The following CYREN variants were observed in gnomAD, a reference collection of about 807,000 sequenced individuals.
CYREN encodes cell cycle regulator of non-homologous end joining.
In CYREN, 7 loss-of-function variants were observed where a neutral mutation model predicts 9.7. The ratio of observed to expected loss-of-function variants is 0.72; its 90% confidence interval spans 0.41 to 1.36. CYREN has a LOEUF of 1.36. Ranked by LOEUF, CYREN falls within the 40% of genes most tolerant of loss-of-function variation. The pLI is 0.01. For missense variants in CYREN, 215 were observed against 198.1 expected (o/e 1.09, Z -0.51); for synonymous variants, 76 against 77.9 (o/e 0.98, Z 0.13).
At chr7:135,128,810 CTG>C (rs1197025934) in intron 2 of CYREN, 1 of 1,174,940 alleles carries the variant, frequency 8.5e-7, no homozygotes, top group Non-Finnish European at 1.3e-6. Flanking sequence ...CAAGAGGAAA[CTG>C]TGGATGAGAC....
At chr7:135,135,179 A>G in intron 2 of CYREN, 1 of 1,549,862 alleles carries the variant, frequency 6.5e-7, no homozygotes, top group Non-Finnish European at 8.7e-7. Flanking sequence ...ACAGCCCTCC[A>G]TCTAACTAAA....
At chr7:135,167,936 TGAG>T (rs1830304656) in intron 2 of CYREN, 129 bp from the exon 3 acceptor site, 1 of 1,465,952 alleles carries the variant, frequency 6.8e-7, no homozygotes, top group Non-Finnish European at 9.1e-7. Flanking sequence ...ACCTCTGAGC[TGAG>T]GAGCTTTCTG....
At chr7:135,150,248 A>G (rs982656748) in intron 2 of CYREN, among the ~76,000 whole-genome samples, 18 of 152,216 alleles carry the variant, frequency 1.2e-4, no homozygotes, top group Non-Finnish European at 2.6e-4. Flanking sequence ...TCAGGACTCA[A>G]AACAAATATC....
rs733585 is a variant in CYREN, at chr7:135,157,646, A to G, written n.356+11103T>C. Among the ~76,000 whole-genome samples, 141 of 152,340 alleles carry G rather than the reference A, an allele frequency of 9.3e-4. 1 individual carries two copies. The highest frequency in any genetic ancestry group is 3.1e-3 in the African/African-American group (128 of 41,574). ...CAGGTGGTGTCATGTGAGTGATGGC[A>G]GTAGCACTGTTGAAGCAGCCAACTG... On this transcript the variant is annotated intron_variant and non_coding_transcript_variant, in intron 2 of 2. Coordinates refer to the CYREN transcript ENST00000459937.
At chr7:135,148,328 C>T (rs1428817943) in intron 2 of CYREN, 3 of 333,870 alleles carry the variant, frequency 9.0e-6, no homozygotes, top group African/African-American at 6.5e-5. Flanking sequence ...CCTTGTAAGA[C>T]AATTTTGTTT....
At chr7:135,121,426 T>C (rs565402840) in intron 2 of CYREN, among the ~76,000 whole-genome samples, 31 of 152,182 alleles carry the variant, frequency 2.0e-4, no homozygotes, top group African/African-American at 7.2e-4. Context: ...GTGGATCATA[T>C]ACCAAGATAG....
intron 2 of CYREN, among the ~76,000 whole-genome samples, chr7:135,120,803 A>T (rs533285791): frequency 6.6e-6 from 1 of 152,234 alleles, no homozygotes; most frequent in African/African-American, 2.4e-5. Context: ...TGTTAATATT[A>T]GGTAAAGTAG....
At chr7:135,148,209 CA>C (rs1224099552) in intron 2 of CYREN, 1 of 426,348 alleles carries the variant, frequency 2.3e-6, no homozygotes, top group Non-Finnish European at 4.6e-6. Flanking sequence ...TTCAAACAAC[CA>C]ACCCTGATTT....
At chr7:135,121,724 A>G (rs1372813493) in intron 2 of CYREN, among the ~76,000 whole-genome samples, 1 of 152,198 alleles carries the variant, frequency 6.6e-6, no homozygotes, top group East Asian at 1.9e-4. Context: ...TTCTCTCATC[A>G]GAACTGACTA....
chr7:135,097,072 G>A (rs1338132032), intron 2 of CYREN, among the ~76,000 whole-genome samples: 1 of 152,124 alleles, frequency 6.6e-6, no homozygotes, highest in Non-Finnish European at 1.5e-5. Flanking sequence ...GAATTTGCTT[G>A]GGCATACCAC....
chr7:135,111,074 C>CT (rs1272340434), intron 2 of CYREN, among the ~76,000 whole-genome samples: 1 of 152,214 alleles, frequency 6.6e-6, no homozygotes, highest in Non-Finnish European at 1.5e-5. Context: ...CCTTTACCCT[C>CT]AGTAGATGAC....
chr7:135,098,183 C>T (rs1282297751), intron 2 of CYREN, among the ~76,000 whole-genome samples: 3 of 152,090 alleles, frequency 2.0e-5, no homozygotes, highest in East Asian at 3.8e-4. Context: ...AAATACCTGC[C>T]GTTGCTAATA....
intron 2 of CYREN, among the ~76,000 whole-genome samples, chr7:135,142,956 C>T (rs1377562431): frequency 6.6e-6 from 1 of 152,156 alleles, no homozygotes; most frequent in Non-Finnish European, 1.5e-5. Context: ...TATCAACAAA[C>T]TGTTTCTAAA....
At chr7:135,141,875 T>G (rs1829458889) in intron 2 of CYREN, among the ~76,000 whole-genome samples, 1 of 152,188 alleles carries the variant, frequency 6.6e-6, no homozygotes, top group Non-Finnish European at 1.5e-5. Context: ...ATCTTGGTGT[T>G]GATTTCTACT....
chr7:135,118,318 T>C (rs1037513568), intron 2 of CYREN, among the ~76,000 whole-genome samples: 3 of 152,200 alleles, frequency 2.0e-5, no homozygotes, highest in Non-Finnish European at 2.9e-5. Context: ...GAACCTCTTA[T>C]GAAAGTAATG....
At chr7:135,152,853 T>G (rs1188544598) in intron 2 of CYREN, 1 of 152,194 alleles carries the variant, frequency 6.6e-6, no homozygotes, top group Non-Finnish European at 1.5e-5. Flanking sequence ...TTAAAACATG[T>G]AAGTTCCATG....
chr7:135,164,367 AC>A, downstream of CYREN: 1 of 1,414,060 alleles, frequency 7.1e-7, no homozygotes, highest in Non-Finnish European at 9.8e-7. Context: ...TTGTCTGGAC[AC>A]AGGGAACAAG....
Position 135,142,344 on chromosome 7 carries a change from T to C in CYREN, n.356+26405A>G, listed in dbSNP as rs1003273211. Among the ~76,000 whole-genome samples, 7 of 152,308 alleles carry C rather than the reference T, an allele frequency of 4.6e-5. No homozygotes were observed. In the South Asian group the frequency reaches 6.2e-4, roughly 14 times the overall value. On this transcript the variant is annotated intron_variant and non_coding_transcript_variant, in intron 2 of 2. Coordinates refer to the CYREN transcript ENST00000459937. ...TCCTTATGATTTTCTTAATAGTTTC[T>C]TTAGTTACTTTATTGTAATACAGTA...
chr7:135,096,520 AAG>A (rs1822746280), intron 2 of CYREN, among the ~76,000 whole-genome samples: 1 of 139,826 alleles, frequency 7.2e-6, no homozygotes, highest in Admixed American at 7.4e-5. Context: ...AAAAAAGAAA[AAG>A]AGAAAAAAAC....
Sources: allele counts gnomAD v4.1 joint callset (sites outside exome capture counted in the v4.1 genomes callset), GRCh38; gene constraint gnomAD v4.1.1; transcripts MANE v1.5; gene names NCBI Gene and HGNC (gene_info 2026-07-23, HGNC 2026-07-21).